PABPC4: variants seen among roughly 807,000 people sequenced by gnomAD.
PABPC4 encodes the protein polyadenylate-binding protein 4.
PABPC4 carries 15 observed loss-of-function variants against 74.5 expected under a neutral mutation model. That is an observed-to-expected ratio of 0.20 (90% CI 0.13 to 0.31). The LOEUF (loss-of-function observed/expected upper bound fraction) is 0.31, where lower values mean the gene tolerates loss of function less well. Among genes scored for constraint, PABPC4 ranks in the 10% least tolerant of loss-of-function variants. The probability of loss-of-function intolerance (pLI) is 1.00; values close to 1 mark genes in which losing one functional copy is unlikely to be tolerated. For synonymous variants in PABPC4, 345 were observed against 303.0 expected (o/e 1.14, Z -1.44); for missense variants, 610 against 853.5 (o/e 0.71, Z 3.55).
Position 39,562,411 on chromosome 1 carries a change from G to C in PABPC4, c.1674C>G (p.Pro558=). The C allele has an allele frequency of 6.2e-7, 1 of 1,612,956 alleles. No individual in the cohort carries two copies. ...GCCCCTGCACATGGACCGCAGGCTG[G>C]GGTGCCTGGGAACCAGGAAAGGCAG... ...PHPAIQPLQA[P]QPAVHVQGQE... is the part of the protein sequence containing the mutation. The change falls in exon 13 of 16, where the codon CCC becomes CCG. Residue 558 remains proline (P), a synonymous_variant. Transcript: ENST00000372858.
chr1:39,569,662 C>A lies in PABPC4; in HGVS notation c.671G>T (p.Arg224Ile). 6.2e-7 allele frequency: 1 copy of A among 1,614,136 alleles called. No individual in the cohort carries two copies. Among genetic ancestry groups the A allele is most frequent in the Non-Finnish European group, 8.5e-7 (1 of 1,179,956 alleles). Residue 224 changes from arginine to isoleucine, a missense_variant, in exon 5 of 16, where the codon AGA becomes ATA. Arg to Ile is a moderately conservative substitution (Grantham distance 97). This residue lies in a region of PABPC4 where 304 missense variants were observed against 478.9 expected (regional missense o/e 0.63). Transcript: ENST00000372858. ...FGKTLSVKVM[R>I]DPNGKSKGFG... ...GCCTTTGGATTTCCCATTGGGATCT[C>A]TCATCACCTTGACACTTAGGGTCTT...
chr1:39,564,118 GT>G, intron 10 of PABPC4, 196 bp from the exon 11 acceptor site: 1 of 619,290 alleles, frequency 1.6e-6, no homozygotes, highest in Non-Finnish European at 2.8e-6. Flanking sequence ...TGTATACACT[GT>G]TTCCTTGTAT....
At chr1:39,571,406 A>AACCTC in intron 2 of PABPC4, 57 bp from the exon 3 acceptor site, 1 of 1,604,272 alleles carries the variant, frequency 6.2e-7, no homozygotes, top group Admixed American at 1.7e-5. Context: ...GAGACATGAG[A>AACCTC]ACCTCAGGGT....
intron 1 of PABPC4, among the ~76,000 whole-genome samples, chr1:39,572,893 A>G (rs1203538938): frequency 6.6e-6 from 1 of 152,194 alleles, no homozygotes; most frequent in Non-Finnish European, 1.5e-5. Flanking sequence ...TCCAGTGATA[A>G]TACCTCACAT....
chr1:39,564,278 G>T (rs1376169399), intron 10 of PABPC4, 145 bp downstream of exon 10: 10 of 868,768 alleles, frequency 1.2e-5, no homozygotes, highest in Non-Finnish European at 1.6e-5. Flanking sequence ...CTCTGCTCCT[G>T]AAGTGGCCAC....
intron 9 of PABPC4, 27 bp from the exon 10 acceptor site, chr1:39,564,569 T>C (rs1645808101): frequency 6.2e-7 from 1 of 1,613,616 alleles, no homozygotes; most frequent in Non-Finnish European, 8.5e-7. Flanking sequence ...TTGCACATCA[T>C]TGAGAAGTGA....
At chr1:39,561,952 G>T in intron 14 of PABPC4, 121 bp downstream of exon 14, 1 of 1,239,846 alleles carries the variant, frequency 8.1e-7, no homozygotes, top group Non-Finnish European at 1.1e-6. Flanking sequence ...CACAGTCAAG[G>T]CATGACGAGA....
Position 39,564,540 on chromosome 1 carries a change from A to AT in PABPC4, c.1335_1336insA (p.Phe446IlefsTer25). Reference sequence around the variant, plus strand: ...CGTATAGCACTTGGCATTCCTTGGAAGCCTGGTGAAGAGAAAAATTGCACA... The same window carrying AT: ...CGTATAGCACTTGGCATTCCTTGGAATGCCTGGTGAAGAGAAAAATTGCACA... On this transcript the variant is annotated frameshift_variant and splice_region_variant, in exon 10 of 16. Coordinates refer to ENST00000372858, the MANE Select transcript of PABPC4 (RefSeq NM_001135653.2). LOFTEE classifies it high-confidence loss of function. 6.2e-7 allele frequency: 1 copy of AT among 1,614,128 alleles called. No individual in the cohort carries two copies. The highest frequency in any genetic ancestry group is 8.5e-7 in the Non-Finnish European group (1 of 1,179,956).
At position 39,568,820 on chromosome 1, in the gene PABPC4, C is replaced by T. The variant is rs1645892329; in HGVS notation, c.858G>A (p.Glu286=). Residue 286 remains glutamate (E), a synonymous_variant, in exon 6 of 16, where the codon GAG becomes GAA. Transcript: ENST00000372858. ...LKRKFEQLKQ[E]RISRYQGVNL... is the part of the protein sequence containing the mutation. ...ACCTTACCTGATATCGACTAATTCT[C>T]TCCTGTTTCAACTGTTCAAATTTCC... 6.2e-7 allele frequency: 1 copy of T among 1,613,774 alleles called. No individual in the cohort carries two copies. The highest frequency in any genetic ancestry group is 8.5e-7 in the Non-Finnish European group (1 of 1,179,972).
Position 39,569,978 on chromosome 1 carries a change from G to C in PABPC4, c.528C>G (p.Arg176=). 6.2e-7 allele frequency: 1 copy of C among 1,613,942 alleles called. No homozygotes were observed. Among genetic ancestry groups the C allele is most frequent in the South Asian group, 1.1e-5 (1 of 91,076 alleles). Residue 176 remains arginine, a synonymous_variant, in exon 4 of 16, where the codon CGC becomes CGG. Transcript: ENST00000372858. ...CTCCAAGCTCAGCTTCCCGCTCTTT[G>C]CGAGACTTGAATCTGCCCACAAATC... ...RKVFVGRFKS[R]KEREAELGAK...
At chr1:39,575,661 G>C in intron 1 of PABPC4, 98 bp downstream of exon 1, 1 of 1,015,496 alleles carries the variant, frequency 9.8e-7, no homozygotes. Flanking sequence ...GCAACATGCT[G>C]TCGTGATGCC....
intron 7 of PABPC4, 114 bp from the exon 8 acceptor site, chr1:39,565,492 A>G: frequency 1.9e-6 from 2 of 1,078,128 alleles, no homozygotes; most frequent in Non-Finnish European, 2.7e-6. Context: ...GCTTGAGCTC[A>G]GGAGGTTGAG....
chr1:39,561,869 A>C, intron 14 of PABPC4, 82 bp from the exon 15 acceptor site: 2 of 1,312,854 alleles, frequency 1.5e-6, no homozygotes, highest in Non-Finnish European at 2.2e-6. Context: ...TGGTGGACCA[A>C]AGCCAACTGT....
chr1:39,560,816 T>C lies in PABPC4; in HGVS notation c.*320A>G, dbSNP rs1645758873. ...AAACTGTGGTCAGAGACAGAGGCAGTTTTATGGAGATTTTTTTTCTTTATT... is the reference window on the plus strand; with the variant it reads ...AAACTGTGGTCAGAGACAGAGGCAGCTTTATGGAGATTTTTTTTCTTTATT... On this transcript the variant is annotated 3_prime_UTR_variant, in exon 16 of 16. Coordinates refer to ENST00000372858, the MANE Select transcript of PABPC4 (RefSeq NM_001135653.2). 1 of 175,324 alleles carries C rather than the reference T, an allele frequency of 5.7e-6. No homozygotes were observed. The highest frequency in any genetic ancestry group is 1.3e-4 in the South Asian group (1 of 7,766). 10.9% of individuals were successfully genotyped at this position (175,324 alleles called of 1,614,324 possible).
At chr1:39,563,291 A>C in intron 12 of PABPC4, 1 of 276,956 alleles carries the variant, frequency 3.6e-6, no homozygotes, top group Non-Finnish European at 6.8e-6. Flanking sequence ...CAGAGCAGCC[A>C]AGGATCCAAT....
intron 12 of PABPC4, chr1:39,563,335 A>G (rs1374419210): frequency 2.6e-6 from 1 of 386,378 alleles, no homozygotes; most frequent in Admixed American, 4.3e-5. Flanking sequence ...CTGGAGGCTC[A>G]AACAGCTGAA....
intron 12 of PABPC4, 33 bp from the exon 13 acceptor site, chr1:39,562,449 G>A: frequency 6.6e-7 from 1 of 1,516,242 alleles, no homozygotes; most frequent in Non-Finnish European, 9.1e-7. Context: ...GGTTAGCACT[G>A]AGGAAAGGAC....
Position 39,575,880 on chromosome 1 carries a change from C to T in PABPC4, c.72G>A (p.Glu24=), listed in dbSNP as rs1478847603. 6.2e-7 allele frequency: 1 copy of T among 1,612,442 alleles called. No individual in the cohort carries two copies. Among genetic ancestry groups the T allele is most frequent in the East Asian group, 2.2e-5 (1 of 44,728 alleles). The change falls in exon 1 of 16, where the codon GAG becomes GAA. Residue 24 remains glutamate (E), a synonymous_variant. Coordinates refer to ENST00000372858, the MANE Select transcript of PABPC4 (RefSeq NM_001135653.2). ...GGCTGAACTTTTCGTACAGCATGGCCTCGGTGACGTCCGAATGCAGGTCGC... is the reference window on the plus strand; with the variant it reads ...GGCTGAACTTTTCGTACAGCATGGCTTCGGTGACGTCCGAATGCAGGTCGC... ...YVGDLHSDVT[E]AMLYEKFSPA...
At chr1:39,566,316 G>A (rs1245876491) in intron 7 of PABPC4, among the ~76,000 whole-genome samples, 1 of 152,124 alleles carries the variant, frequency 6.6e-6, no homozygotes, top group Admixed American at 6.6e-5. Context: ...GTGGACAGGA[G>A]TCCTAAAATG....
Sources: gnomAD v4.1 joint callset for allele counts (sites outside exome capture counted in the v4.1 genomes callset) on GRCh38, gnomAD v4.1.1 for gene constraint, gnomAD v4.1.1 regional missense constraint, MANE v1.5 for transcripts, NCBI Gene and HGNC (gene_info 2026-07-23, HGNC 2026-07-21) for gene names.